WDR70: variants seen among roughly 807,000 people sequenced by gnomAD.
WDR70 encodes WD repeat-containing protein 70.
WDR70 carries 53 observed loss-of-function variants against 88.6 expected under a neutral mutation model. The ratio of observed to expected loss-of-function variants is 0.60; its 90% CI spans 0.48 to 0.75. The LOEUF (loss-of-function observed/expected upper bound fraction) is 0.75. Among genes scored for constraint, WDR70 ranks in the 30% least tolerant of loss-of-function variants. The pLI, the probability that WDR70 is intolerant of heterozygous loss-of-function variation, is 0.00. For missense variants in WDR70, 610 were observed against 823.2 expected, an observed-to-expected ratio of 0.74 and a Z score of 3.17; for synonymous variants, 280 against 270.0, an observed-to-expected ratio of 1.04 and a Z score of -0.36.
At chr5:37,463,855 A>G (rs960075061) in intron 7 of WDR70, among the ~76,000 whole-genome samples, 3 of 152,246 alleles carry the variant, frequency 2.0e-5, no homozygotes, top group African/African-American at 4.8e-5. Context: ...GAAGTGAGAC[A>G]GGAATGATGA....
intron 17 of WDR70, among the ~76,000 whole-genome samples, chr5:37,735,423 A>G (rs1748277841): frequency 1.3e-5 from 2 of 152,174 alleles, no homozygotes; most frequent in African/African-American, 4.8e-5. Flanking sequence ...GAGATCTGCA[A>G]TTAACAATGA....
chr5:37,639,995 A>G (rs1745063122), intron 10 of WDR70, among the ~76,000 whole-genome samples: 1 of 152,190 alleles, frequency 6.6e-6, no homozygotes, highest in South Asian at 2.1e-4. Context: ...AAAGAGGTTA[A>G]GTAACTTGCC....
rs372042412 is a variant in WDR70 at position 37,379,661 on chromosome 5, G to A, written c.91+107G>A. On this transcript the variant is annotated intron_variant, in intron 2 of 17. Transcript: ENST00000265107. ...TCAACTCGGAATTATTGTAGCTCGG[G>A]TGCATACCTTGCAGTTTGTCAATAT... is the stretch of plus-strand genomic sequence containing the variant. 4.1e-6 allele frequency: 5 copies of A among 1,221,068 alleles called. 1 individual carries two copies. In the South Asian group the frequency reaches 6.2e-5, roughly 15 times the overall value. The allele number at this position is 1,221,068 out of a possible 1,614,324, so 75.6% of individuals were successfully genotyped here.
At chr5:37,437,865 T>C in intron 5 of WDR70, 57 bp from the exon 6 acceptor site, 2 of 1,506,982 alleles carry the variant, frequency 1.3e-6, no homozygotes, top group Admixed American at 1.9e-5. Context: ...ATGTGTTGTG[T>C]AGTTCCCCAC....
chr5:37,718,081 T>TA (rs1747703068), intron 13 of WDR70, among the ~76,000 whole-genome samples: 1 of 152,168 alleles, frequency 6.6e-6, no homozygotes. Context: ...TAAGGGGTCT[T>TA]ATTTGCCTCT....
chr5:37,564,392 C>T (rs191638385), intron 9 of WDR70, among the ~76,000 whole-genome samples: 144 of 152,284 alleles, frequency 9.5e-4, no homozygotes, highest in Middle Eastern at 6.8e-3. Context: ...TCAGGTGTGG[C>T]GGCTTGCGCC....
chr5:37,624,495 A>G (rs1400468397), intron 10 of WDR70, among the ~76,000 whole-genome samples: 2 of 152,320 alleles, frequency 1.3e-5, no homozygotes, highest in Admixed American at 6.5e-5. Context: ...GGGCAGCAGT[A>G]CACATGGAAA....
intron 7 of WDR70, among the ~76,000 whole-genome samples, chr5:37,444,336 C>CTTTTTTTTTTTT (rs70978817): frequency 4.2e-5 from 4 of 94,200 alleles, no homozygotes; most frequent in Non-Finnish European, 5.9e-5. Context: ...CAGCCTTTCT[C>CTTTTTTTTTTTT]TTTTTTTTTT....
chr5:37,743,632 C>T (rs1279446783), intron 17 of WDR70, among the ~76,000 whole-genome samples: 2 of 152,180 alleles, frequency 1.3e-5, no homozygotes, highest in African/African-American at 2.4e-5. Flanking sequence ...CCCCACAGCC[C>T]AACACACCGG....
At chr5:37,609,155 TA>T (rs773429134) in intron 10 of WDR70, among the ~76,000 whole-genome samples, 13 of 152,182 alleles carry the variant, frequency 8.5e-5, no homozygotes, top group East Asian at 1.9e-4. Context: ...AGTTTTGGGG[TA>T]GGGGGAGAGG....
chr5:37,669,891 C>T (rs1745971418), intron 10 of WDR70, among the ~76,000 whole-genome samples: 1 of 152,168 alleles, frequency 6.6e-6, no homozygotes, highest in South Asian at 2.1e-4. Context: ...ACCTCAAAAA[C>T]ATTACGCTAA....
chr5:37,582,673 T>C (rs1033379995), intron 9 of WDR70, among the ~76,000 whole-genome samples: 2 of 152,250 alleles, frequency 1.3e-5, no homozygotes, highest in Non-Finnish European at 2.9e-5. Flanking sequence ...TGAGATAACA[T>C]GTGTAAAGCC....
chr5:37,718,338 C>G (rs1747711608), intron 13 of WDR70, among the ~76,000 whole-genome samples: 1 of 152,158 alleles, frequency 6.6e-6, no homozygotes, highest in South Asian at 2.1e-4. Flanking sequence ...TGGAAACTGC[C>G]TGTTTGGCTG....
chr5:37,563,454 C>T (rs1308655848), intron 9 of WDR70, among the ~76,000 whole-genome samples: 8 of 52,252 alleles, frequency 1.5e-4, no homozygotes, highest in Non-Finnish European at 2.7e-4. Flanking sequence ...CCTTCCCGGA[C>T]GGGGCGGCTG....
chr5:37,717,443 G>T lies in WDR70; in HGVS notation c.1417-3672G>T, dbSNP rs555462764. 2.6e-5 allele frequency among the ~76,000 whole-genome samples: 4 copies of T among 152,240 alleles called. 1 individual carries two copies. In the East Asian group the frequency reaches 7.7e-4, roughly 29 times the overall value. On this transcript the variant is annotated intron_variant, in intron 13 of 17. Transcript: ENST00000265107. ...TTCTCTGGTCCTTTTATTCAAATGT[G>T]CTCTCTATGCTTTATTTGCTGCATT...
At chr5:37,625,691 AT>A (rs1002672991) in intron 10 of WDR70, among the ~76,000 whole-genome samples, 3 of 150,196 alleles carry the variant, frequency 2.0e-5, no homozygotes, top group Non-Finnish European at 4.5e-5. Flanking sequence ...TGCCTAGCTA[AT>A]TTTTTTTTGT....
chr5:37,702,848 T>C, intron 12 of WDR70, 101 bp from the exon 13 acceptor site: 2 of 1,226,854 alleles, frequency 1.6e-6, no homozygotes, highest in Non-Finnish European at 2.3e-6. Flanking sequence ...AAGCCCTATA[T>C]AGGAGTTACA....
Position 37,697,674 on chromosome 5 carries a change from A to G in WDR70, c.1112A>G (p.Tyr371Cys), listed in dbSNP as rs1202647667. ...RNLTVHPKFH[Y>C]KQAHDSGTDT... Reference sequence around the variant, plus strand: ...GAATAGGTTCATCCTAAGTTCCACTATAAACAGGCTCATGACTCGGGCACA... The same window carrying G: ...GAATAGGTTCATCCTAAGTTCCACTGTAAACAGGCTCATGACTCGGGCACA... The change falls in exon 11 of 18, where the codon TAT becomes TGT. Residue 371 changes from tyrosine (Y) to cysteine (C), a missense_variant. This residue lies in a region of WDR70 where 254 missense variants were observed against 300.7 expected (regional missense o/e 0.84). Coordinates refer to ENST00000265107, the MANE Select transcript of WDR70 (RefSeq NM_018034.4). 1.2e-6 allele frequency: 2 copies of G among 1,613,700 alleles called. No homozygotes were observed. The highest frequency in any genetic ancestry group is 1.7e-6 in the Non-Finnish European group (2 of 1,179,754).
At chr5:37,560,154 C>A (rs905559297) in intron 9 of WDR70, among the ~76,000 whole-genome samples, 39 of 151,908 alleles carry the variant, frequency 2.6e-4, no homozygotes, top group African/African-American at 9.2e-4. Context: ...TTCCATTTAG[C>A]CTGAATTATG....
Sources: allele counts gnomAD v4.1 joint callset (sites outside exome capture counted in the v4.1 genomes callset), GRCh38; gene constraint gnomAD v4.1.1; regional missense constraint gnomAD v4.1.1; transcripts MANE v1.5; gene names NCBI Gene and HGNC (gene_info 2026-07-23, HGNC 2026-07-21).